The following LRRC69 variants were observed in gnomAD, a reference collection of about 807,000 sequenced individuals.
LRRC69 encodes the protein leucine-rich repeat-containing protein 69.
LRRC69 carries 42 observed loss-of-function variants against 37.8 expected under a neutral mutation model. The ratio of observed to expected loss-of-function variants is 1.11; its 90% CI spans 0.87 to 1.44. The LOEUF is 1.44. Among genes scored for constraint, LRRC69 ranks in the 40% most tolerant of loss-of-function variants. LRRC69 has a pLI of 0.00. For missense variants in LRRC69, 357 were observed against 401.9 expected (o/e 0.89, Z 0.96); for synonymous variants, 141 against 143.1 (o/e 0.99, Z 0.11).
At position 91,135,085 on chromosome 8, in the gene LRRC69, TATATC is replaced by T. The variant is rs1386506789; in HGVS notation, c.580-579_580-575del. On this transcript the variant is annotated intron_variant, in intron 4 of 7. Transcript: ENST00000448384. ...TGTTTTCAAGTAGGGTGGAAGCCCT[TATATC>T]ATAACATGAGATACTGAAGGAACAC... Among the ~76,000 whole-genome samples, 2 of 152,020 alleles carry T rather than the reference TATATC, an allele frequency of 1.3e-5. 1 individual carries two copies. The highest frequency in any genetic ancestry group is 1.3e-4 in the Admixed American group (2 of 15,258).
chr8:91,172,095 T>C (rs1318298860), intron 5 of LRRC69, among the ~76,000 whole-genome samples: 1 of 152,032 alleles, frequency 6.6e-6, no homozygotes, highest in Non-Finnish European at 1.5e-5. Flanking sequence ...TTTAGAGTAT[T>C]TTCCTACATC....
intron 7 of LRRC69, among the ~76,000 whole-genome samples, chr8:91,208,376 AGACCAGAAG>A (rs1255017637): frequency 4.6e-5 from 7 of 152,190 alleles, no homozygotes; most frequent in Non-Finnish European, 1.0e-4. Flanking sequence ...TAGGGTGAGA[AGACCAGAAG>A]GACAGAACCT....
intron 3 of LRRC69, among the ~76,000 whole-genome samples, chr8:91,132,759 T>C (rs1188229268): frequency 6.6e-6 from 1 of 152,028 alleles, no homozygotes; most frequent in Non-Finnish European, 1.5e-5. Flanking sequence ...TGTATTGATC[T>C]ATATACATAG....
In LRRC69 at chr8:91,200,799, G is replaced by T. The variant is rs149552496; in HGVS notation, c.933+7G>T. ...ATTTGTTCCTCCACCAAAGGTAAAT[G>T]ATGCTTTTTATGCGAATATGAGCAT... On this transcript the variant is annotated splice_region_variant and intron_variant, in intron 7 of 7. Coordinates refer to ENST00000448384, the Ensembl canonical transcript of LRRC69. The T allele has an allele frequency of 3.7e-4, 563 of 1,527,456 alleles. 4 individuals carry two copies. The African/African-American group carries it at 7.2e-3, about 20-fold the overall frequency. The allele number at this position is 1,527,456 out of a possible 1,614,324, so 94.6% of individuals were successfully genotyped here.
At chr8:91,126,121 A>T (rs1414365632) in intron 2 of LRRC69, among the ~76,000 whole-genome samples, 1 of 151,960 alleles carries the variant, frequency 6.6e-6, no homozygotes, top group Non-Finnish European at 1.5e-5. Flanking sequence ...AAGTAGTTTG[A>T]TGTCAGGGAG....
intron 5 of LRRC69, among the ~76,000 whole-genome samples, chr8:91,162,437 G>A (rs983550362): frequency 6.6e-6 from 1 of 151,394 alleles, no homozygotes; most frequent in Admixed American, 6.6e-5. Context: ...CTGTTCCAGT[G>A]TTGGGTGCAT....
At chr8:91,129,887 T>C (rs1813779653) in intron 3 of LRRC69, among the ~76,000 whole-genome samples, 2 of 152,056 alleles carry the variant, frequency 1.3e-5, no homozygotes, top group South Asian at 4.1e-4. Context: ...CATTCTACCT[T>C]AGATCATTTT....
intron 5 of LRRC69, among the ~76,000 whole-genome samples, chr8:91,140,066 C>T (rs865816332): frequency 2.3e-5 from 3 of 132,526 alleles, no homozygotes; most frequent in Admixed American, 8.5e-5. Flanking sequence ...ACTCCAGCTT[C>T]GGCAGCAAAA....
At chr8:91,196,202 C>T (rs1468035324) in intron 6 of LRRC69, among the ~76,000 whole-genome samples, 3 of 151,474 alleles carry the variant, frequency 2.0e-5, no homozygotes, top group South Asian at 4.2e-4. Flanking sequence ...TAGGGTTTCT[C>T]CCGAGAGATC....
At chr8:91,103,277 G>GATCCTAAATACA (rs1245333579) in intron 1 of LRRC69, among the ~76,000 whole-genome samples, 17 of 152,174 alleles carry the variant, frequency 1.1e-4, no homozygotes, top group East Asian at 3.9e-4. Flanking sequence ...ATGCAGCAAG[G>GATCCTAAATACA]GAGTTCCTTT....
At chr8:91,189,611 C>G in exon 6 of LRRC69, 1 of 1,549,912 alleles carries the variant, frequency 6.5e-7, no homozygotes, top group Non-Finnish European at 8.7e-7. Flanking sequence ...AGGAGAACGT[C>G]TGGAGTCTAC....
intron 5 of LRRC69, among the ~76,000 whole-genome samples, chr8:91,140,155 A>G (rs1586241031): frequency 2.0e-5 from 3 of 151,828 alleles, no homozygotes; most frequent in Non-Finnish European, 4.4e-5. Flanking sequence ...CAATGTATCA[A>G]TAGCAGAAAG....
chr8:91,132,081 A>G (rs1375876161), intron 3 of LRRC69, among the ~76,000 whole-genome samples: 1 of 151,882 alleles, frequency 6.6e-6, no homozygotes, highest in Admixed American at 6.6e-5. Context: ...ATGACTTCCT[A>G]ACCTCCAGTC....
chr8:91,111,489 G>A (rs1338995592), intron 1 of LRRC69, among the ~76,000 whole-genome samples: 2 of 151,974 alleles, frequency 1.3e-5, no homozygotes, highest in Non-Finnish European at 2.9e-5. Flanking sequence ...AGCTGAGATC[G>A]TGCCACTGCA....
At chr8:91,197,585 G>A (rs1809634354) in intron 6 of LRRC69, among the ~76,000 whole-genome samples, 2 of 152,270 alleles carry the variant, frequency 1.3e-5, no homozygotes, top group Middle Eastern at 3.4e-3. Context: ...CGCAGTATTA[G>A]GGTGGGAGTG....
At chr8:91,159,573 C>T (rs1177987633) in intron 5 of LRRC69, among the ~76,000 whole-genome samples, 1 of 150,828 alleles carries the variant, frequency 6.6e-6, no homozygotes, top group Non-Finnish European at 1.5e-5. Flanking sequence ...GAGTACACAT[C>T]AACAAAAAAA....
intron 5 of LRRC69, among the ~76,000 whole-genome samples, chr8:91,171,875 T>C (rs1182841359): frequency 6.6e-6 from 1 of 151,972 alleles, no homozygotes; most frequent in Non-Finnish European, 1.5e-5. Flanking sequence ...ACATATTGGC[T>C]TATTTCTTTA....
intron 5 of LRRC69, among the ~76,000 whole-genome samples, chr8:91,166,429 T>G (rs1401699209): frequency 6.9e-6 from 1 of 145,488 alleles, no homozygotes; most frequent in Non-Finnish European, 1.5e-5. Context: ...ATGGGAGTCC[T>G]CTGGGGCAAT....
chr8:91,140,910 C>T lies in LRRC69; in HGVS notation c.651+5171C>T, dbSNP rs1808520843. On this transcript the variant is annotated intron_variant, in intron 5 of 7. Coordinates refer to ENST00000448384, the Ensembl canonical transcript of LRRC69. Reference sequence around the variant, plus strand: ...CCTCGTGATCCGCCCGCCTCGGCCTCCCAAAGTGCTGGGATTACAGGCGTG... The same window carrying T: ...CCTCGTGATCCGCCCGCCTCGGCCTTCCAAAGTGCTGGGATTACAGGCGTG... Among the ~76,000 whole-genome samples, 8 of 17,308 alleles carry T rather than the reference C, an allele frequency of 4.6e-4. 1 individual carries two copies. Among genetic ancestry groups the T allele is most frequent in the African/African-American group, 9.1e-4 (3 of 3,312 alleles). The allele number at this position is 17,308 out of a possible 152,430, so 11.4% of individuals were successfully genotyped here.
Sources: gnomAD v4.1 joint callset for allele counts (sites outside exome capture counted in the v4.1 genomes callset) on GRCh38, gnomAD v4.1.1 for gene constraint, MANE v1.5 for transcripts, NCBI Gene and HGNC (gene_info 2026-07-23, HGNC 2026-07-21) for gene names.